HS6ST2: variants seen among roughly 807,000 people sequenced by gnomAD.
HS6ST2 encodes the protein heparan-sulfate 6-O-sulfotransferase 2.
HS6ST2 carries 17 observed loss-of-function variants against 33.0 expected under a neutral mutation model. The observed-to-expected ratio is 0.52, with a 90% CI of 0.35 to 0.77. The LOEUF is 0.77. HS6ST2 is among the 30% of genes least tolerant of loss of function. The pLI is 0.01. For missense variants in HS6ST2, 519 were observed against 551.7 expected (o/e 0.94, Z 0.59); for synonymous variants, 248 against 237.1 (o/e 1.05, Z -0.42).
In HS6ST2 at chrX:132,697,353, C is replaced by T. The variant is rs2064111339; in HGVS notation, c.980+11109G>A. On this transcript the variant is annotated intron_variant, in intron 3 of 4. Coordinates refer to ENST00000370833, the MANE Select transcript of HS6ST2 (RefSeq NM_001394073.1). ...CTCAGATTTGCTACTAGAAATGGAG[C>T]TGGTGTTGCAAAAAGAAAAAAAGAG... Among the ~76,000 whole-genome samples the T allele has an allele frequency of 2.7e-5, 3 of 111,569 alleles. No homozygotes were observed. The South Asian group carries it at 1.1e-3, about 43-fold the overall frequency.
intron 2 of HS6ST2, among the ~76,000 whole-genome samples, chrX:132,879,292 G>C (rs1569500129): frequency 9.0e-6 from 1 of 111,431 alleles, no homozygotes; most frequent in Non-Finnish European, 1.9e-5. Flanking sequence ...GGTGAGCTAA[G>C]ATTGAAAATG....
intron 3 of HS6ST2, among the ~76,000 whole-genome samples, chrX:132,692,268 C>T (rs1253075852): frequency 1.8e-5 from 2 of 111,216 alleles, no homozygotes; most frequent in African/African-American, 3.3e-5. Flanking sequence ...GCAGTTCTTC[C>T]GCCCGGGTGA....
chrX:132,679,554 C>T (rs760562248), intron 3 of HS6ST2, among the ~76,000 whole-genome samples: 16 of 111,114 alleles, frequency 1.4e-4, no homozygotes, highest in East Asian at 5.7e-4. Flanking sequence ...AGGACTGGGG[C>T]GAAATTAAAA....
chrX:132,920,091 TG>T (rs986234806), intron 2 of HS6ST2, among the ~76,000 whole-genome samples: 3 of 111,067 alleles, frequency 2.7e-5, no homozygotes, highest in Non-Finnish European at 5.7e-5. Flanking sequence ...AGGTAGACGG[TG>T]GGGGGCTGGC....
At chrX:132,857,971 C>T (rs746422918) in intron 2 of HS6ST2, among the ~76,000 whole-genome samples, 2 of 112,210 alleles carry the variant, frequency 1.8e-5, no homozygotes, top group Non-Finnish European at 3.8e-5. Context: ...GTTGGACTGC[C>T]TTTAATTACC....
intron 2 of HS6ST2, among the ~76,000 whole-genome samples, chrX:132,829,172 A>G (rs2065560594): frequency 1.3e-5 from 1 of 74,614 alleles, no homozygotes; most frequent in Admixed American, 1.3e-4. Context: ...CCTGTAGGTA[A>G]GGAACATATA....
chrX:132,656,076 C>A (rs960976838), intron 4 of HS6ST2, among the ~76,000 whole-genome samples: 5 of 109,462 alleles, frequency 4.6e-5, no homozygotes, highest in African/African-American at 1.7e-4. Context: ...AGATGCCAGT[C>A]GGGGAGCATT....
At chrX:132,781,107 C>A (rs752542789) in intron 2 of HS6ST2, among the ~76,000 whole-genome samples, 1 of 112,043 alleles carries the variant, frequency 8.9e-6, no homozygotes, top group East Asian at 2.8e-4. Flanking sequence ...CACTGTCTTA[C>A]CAAAAACTAG....
At chrX:132,886,466 G>A (rs1473327447) in intron 2 of HS6ST2, among the ~76,000 whole-genome samples, 1 of 111,274 alleles carries the variant, frequency 9.0e-6, no homozygotes, top group Non-Finnish European at 1.9e-5. Flanking sequence ...AGTATCATGT[G>A]ATTAATGAAA....
intron 2 of HS6ST2, among the ~76,000 whole-genome samples, chrX:132,909,592 G>A (rs772392057): frequency 8.9e-6 from 1 of 111,732 alleles, no homozygotes; most frequent in East Asian, 2.8e-4. Context: ...CTGAGGCTGA[G>A]GAAGGTACGG....
At chrX:132,637,787 T>C (rs28571201) in intron 4 of HS6ST2, among the ~76,000 whole-genome samples, 1 of 58,548 alleles carries the variant, frequency 1.7e-5, no homozygotes, top group Non-Finnish European at 2.7e-5. Context: ...TATATAATAT[T>C]TTATATATAT....
chrX:132,859,976 AGTTGTCTG>A (rs2065895348), intron 2 of HS6ST2, among the ~76,000 whole-genome samples: 1 of 110,547 alleles, frequency 9.0e-6, no homozygotes, highest in South Asian at 3.9e-4. Flanking sequence ...ACCCAAGTCT[AGTTGTCTG>A]GTTTGGGTGT....
intron 2 of HS6ST2, among the ~76,000 whole-genome samples, chrX:132,728,253 A>C (rs1459298334): frequency 8.9e-6 from 1 of 112,199 alleles, no homozygotes; most frequent in Non-Finnish European, 1.9e-5. Context: ...CATTCCCACC[A>C]GCAATGGACA....
chrX:132,637,810 T>A (rs1417132714), intron 4 of HS6ST2, among the ~76,000 whole-genome samples: 3 of 26,145 alleles, frequency 1.1e-4, no homozygotes, highest in South Asian at 3.3e-3. Flanking sequence ...TATTATATAT[T>A]ATTTTATATA....
intron 3 of HS6ST2, among the ~76,000 whole-genome samples, chrX:132,706,155 G>A (rs1052297055): frequency 2.7e-5 from 3 of 110,989 alleles, no homozygotes; most frequent in African/African-American, 9.8e-5. Flanking sequence ...TGAAAAAGGA[G>A]GGAGTGTGAC....
intron 2 of HS6ST2, among the ~76,000 whole-genome samples, chrX:132,953,174 C>T (rs1467867987): frequency 9.0e-6 from 1 of 111,592 alleles, no homozygotes; most frequent in Non-Finnish European, 1.9e-5. Flanking sequence ...GAATTTGGGA[C>T]TTTTAACAGC....
At chrX:132,731,900 C>G (rs1299042143) in intron 2 of HS6ST2, among the ~76,000 whole-genome samples, 1 of 110,600 alleles carries the variant, frequency 9.0e-6, no homozygotes, top group East Asian at 2.8e-4. Flanking sequence ...CTCCGTGGTT[C>G]TATAGCATCA....
At chrX:132,777,645 C>A (rs191109898) in intron 2 of HS6ST2, among the ~76,000 whole-genome samples, 17 of 102,988 alleles carry the variant, frequency 1.7e-4, no homozygotes, top group Admixed American at 3.2e-4. Context: ...CGAGGTTTCA[C>A]CATGTTGGCC....
intron 3 of HS6ST2, among the ~76,000 whole-genome samples, chrX:132,688,982 G>A (rs1045724258): frequency 8.9e-6 from 1 of 111,800 alleles, no homozygotes; most frequent in Non-Finnish European, 1.9e-5. Flanking sequence ...AACTGCATAA[G>A]AAATGATTCA....
Sources: gnomAD v4.1 joint callset for allele counts (sites outside exome capture counted in the v4.1 genomes callset) on GRCh38, gnomAD v4.1.1 for gene constraint, MANE v1.5 for transcripts, NCBI Gene and HGNC (gene_info 2026-07-23, HGNC 2026-07-21) for gene names.